Variants in SLIT3 observed in about 807,000 individuals in gnomAD.
The protein encoded by SLIT3 is slit homolog 3 protein.
In SLIT3, 68 loss-of-function variants were observed where a neutral mutation model predicts 184.0. The ratio of observed to expected loss-of-function variants is 0.37; its 90% CI spans 0.30 to 0.45. The LOEUF is 0.45. Ranked by LOEUF, SLIT3 falls within the 20% of genes least tolerant of loss-of-function variation. SLIT3 has a pLI of 1.00. For synonymous variants in SLIT3, 831 were observed against 828.6 expected, an observed-to-expected ratio of 1.00 and a Z score of -0.05; for missense variants, 1,707 against 2,026.0, an observed-to-expected ratio of 0.84 and a Z score of 3.02.
chr5:168,699,961 G>A (rs1388355429), intron 27 of SLIT3, among the ~76,000 whole-genome samples: 2 of 152,216 alleles, frequency 1.3e-5, no homozygotes, highest in African/African-American at 2.4e-5. Context: ...GAAGCACGAG[G>A]TTGGGACCTG....
chr5:168,888,127 C>T (rs544084767), intron 4 of SLIT3, among the ~76,000 whole-genome samples: 22 of 152,186 alleles, frequency 1.4e-4, no homozygotes, highest in Admixed American at 2.6e-4. Flanking sequence ...TAATGAAGTG[C>T]TCCCGGGAGA....
chr5:168,934,204 A>C (rs919691018), intron 4 of SLIT3, among the ~76,000 whole-genome samples: 9 of 152,292 alleles, frequency 5.9e-5, no homozygotes, highest in African/African-American at 1.7e-4. Context: ...AGCAGTAATC[A>C]CCTGCCATCA....
intron 1 of SLIT3, among the ~76,000 whole-genome samples, chr5:169,267,675 A>G (rs1005224927): frequency 6.6e-6 from 1 of 152,222 alleles, no homozygotes; most frequent in Non-Finnish European, 1.5e-5. Flanking sequence ...AGAAACAGGC[A>G]AAGATCAGAT....
At chr5:169,196,280 C>T (rs532004411) in intron 3 of SLIT3, among the ~76,000 whole-genome samples, 19 of 152,274 alleles carry the variant, frequency 1.2e-4, no homozygotes, top group African/African-American at 4.6e-4. Context: ...CTGGAGAAGG[C>T]TTGATGTGAT....
chr5:168,820,327 A>G (rs1399985102), intron 7 of SLIT3, among the ~76,000 whole-genome samples: 2 of 152,150 alleles, frequency 1.3e-5, no homozygotes. Flanking sequence ...GCCTGAGCTC[A>G]GGCTGTGATG....
intron 4 of SLIT3, among the ~76,000 whole-genome samples, chr5:168,922,629 T>C (rs1386224923): frequency 6.6e-6 from 1 of 152,174 alleles, no homozygotes; most frequent in Non-Finnish European, 1.5e-5. Context: ...CAACTGCAGA[T>C]GCTGGAGTGC....
intron 23 of SLIT3, among the ~76,000 whole-genome samples, chr5:168,721,926 C>T (rs1249041912): frequency 6.6e-6 from 1 of 152,154 alleles, no homozygotes; most frequent in African/African-American, 2.4e-5. Context: ...ACACACTATG[C>T]TCAATACTAG....
chr5:169,277,887 G>C lies in SLIT3; in HGVS notation c.197+22626C>G, dbSNP rs988348180. ...TACGTTTCACCAGCAATGTAGGAGGGTTCCAATTTCCAATTACACTTATTA... is the reference window on the plus strand; with the variant it reads ...TACGTTTCACCAGCAATGTAGGAGGCTTCCAATTTCCAATTACACTTATTA... On this transcript the variant is annotated intron_variant, in intron 1 of 35. Coordinates refer to ENST00000519560, the MANE Select transcript of SLIT3 (RefSeq NM_003062.4). 1.1e-4 allele frequency among the ~76,000 whole-genome samples: 16 copies of C among 152,270 alleles called. No individual in the cohort carries two copies. In the South Asian group the frequency reaches 3.1e-3, roughly 30 times the overall value.
intron 5 of SLIT3, among the ~76,000 whole-genome samples, chr5:168,861,283 T>A (rs1759095695): frequency 6.7e-6 from 1 of 150,350 alleles, no homozygotes; most frequent in Admixed American, 6.6e-5. Flanking sequence ...CAGGCCCCAG[T>A]GTGTGATGTT....
chr5:169,117,021 G>C (rs1760692213), intron 4 of SLIT3, among the ~76,000 whole-genome samples: 1 of 152,154 alleles, frequency 6.6e-6, no homozygotes, highest in Non-Finnish European at 1.5e-5. Context: ...CAGGGGGCAG[G>C]GAGCAGGGGG....
At chr5:169,154,432 A>C (rs1762231792) in intron 4 of SLIT3, among the ~76,000 whole-genome samples, 4 of 151,944 alleles carry the variant, frequency 2.6e-5, no homozygotes, top group Admixed American at 2.6e-4. Context: ...ATGACTCTCT[A>C]CCCCTTCTGC....
intron 20 of SLIT3, among the ~76,000 whole-genome samples, chr5:168,738,842 G>A (rs1317608167): frequency 6.6e-6 from 1 of 151,042 alleles, no homozygotes; most frequent in African/African-American, 2.4e-5. Flanking sequence ...GGAGGTTGAG[G>A]CAGGAGAATG....
At chr5:168,692,778 G>T in intron 28 of SLIT3, 78 bp from the exon 29 acceptor site, 1 of 1,014,892 alleles carries the variant, frequency 9.9e-7, no homozygotes, top group Non-Finnish European at 1.5e-6. Flanking sequence ...GTACTAGGGG[G>T]GATATCCTGG....
At chr5:169,073,521 T>G (rs1396916808) in intron 4 of SLIT3, among the ~76,000 whole-genome samples, 1 of 152,094 alleles carries the variant, frequency 6.6e-6, no homozygotes, top group Non-Finnish European at 1.5e-5. Flanking sequence ...ATGTCAGTGA[T>G]GTGATTTGGA....
chr5:168,692,571 T>A, intron 29 of SLIT3, 36 bp downstream of exon 29: 1 of 1,466,412 alleles, frequency 6.8e-7, no homozygotes, highest in South Asian at 1.2e-5. Flanking sequence ...AGAGTTTTCA[T>A]GGACTCTGTG....
intron 4 of SLIT3, among the ~76,000 whole-genome samples, chr5:169,020,656 G>A (rs1296998282): frequency 6.6e-6 from 1 of 152,278 alleles, no homozygotes; most frequent in East Asian, 1.9e-4. Context: ...CCTTCCTTAG[G>A]TTAGAACTTA....
intron 4 of SLIT3, among the ~76,000 whole-genome samples, chr5:169,025,765 G>A (rs1362254062): frequency 6.6e-6 from 1 of 152,130 alleles, no homozygotes; most frequent in Non-Finnish European, 1.5e-5. Flanking sequence ...CCATCACCAT[G>A]GTGATAGTTC....
chr5:169,101,370 TG>T (rs1331809462), intron 4 of SLIT3, among the ~76,000 whole-genome samples: 4 of 152,190 alleles, frequency 2.6e-5, no homozygotes, highest in African/African-American at 9.6e-5. Flanking sequence ...CCTCCCACCA[TG>T]GAAACTTGCT....
intron 16 of SLIT3, among the ~76,000 whole-genome samples, chr5:168,760,646 G>A (rs989700028): frequency 2.6e-5 from 4 of 152,076 alleles, no homozygotes; most frequent in Non-Finnish European, 4.4e-5. Flanking sequence ...TGGAATGCTC[G>A]CTCTGTATAA....
Sources: allele counts gnomAD v4.1 joint callset (sites outside exome capture counted in the v4.1 genomes callset), GRCh38; gene constraint gnomAD v4.1.1; transcripts MANE v1.5; gene names NCBI Gene and HGNC (gene_info 2026-07-23, HGNC 2026-07-21).